Variants in SP140 observed in about 807,000 individuals in gnomAD.
SP140 encodes SP140 nuclear body protein, also known as nuclear body protein SP140.
In SP140, 81 loss-of-function variants were observed where a neutral mutation model predicts 125.0. The observed-to-expected ratio is 0.65, with a 90% confidence interval of 0.54 to 0.78. The LOEUF (loss-of-function observed/expected upper bound fraction) is 0.78, where lower values mean the gene tolerates loss of function less well. Ranked by LOEUF, SP140 falls within the 30% of genes least tolerant of loss-of-function variation. SP140 has a pLI of 0.00. For missense variants in SP140, 858 were observed against 1,037.0 expected, an observed-to-expected ratio of 0.83 and a Z score of 2.37; for synonymous variants, 312 against 354.0, an observed-to-expected ratio of 0.88 and a Z score of 1.33.
chr2:230,194,704 G>A, the SP140 span, among the ~76,000 whole-genome samples: 2 of 152,310 alleles, frequency 1.3e-5, no homozygotes, highest in African/African-American at 4.8e-5. Context: ...GGAACTGAAA[G>A]TCTGAATCCT....
the SP140 span, among the ~76,000 whole-genome samples, chr2:230,197,175 C>T: frequency 3.4e-4 from 52 of 152,086 alleles, no homozygotes; most frequent in East Asian, 8.9e-3. Flanking sequence ...TAAAAGTGTT[C>T]CTATTTCTCC....
chr2:230,193,745 T>C, the SP140 span, among the ~76,000 whole-genome samples: 5 of 152,118 alleles, frequency 3.3e-5, no homozygotes, highest in African/African-American at 4.8e-5. Flanking sequence ...TCCTTGCAAA[T>C]AGTAAAGATT....
At chr2:230,194,227 C>T in the SP140 span, among the ~76,000 whole-genome samples, 10 of 152,016 alleles carry the variant, frequency 6.6e-5, no homozygotes, top group Admixed American at 5.9e-4. Flanking sequence ...AGGCTGGCTC[C>T]CATAAAGGTA....
chr2:230,238,519 G>C (rs1200102606), intron 3 of SP140, 138 bp downstream of exon 3: 2 of 877,024 alleles, frequency 2.3e-6, no homozygotes, highest in African/African-American at 3.4e-5. Context: ...ATATAATGAT[G>C]AAAAAACACA....
the SP140 span, among the ~76,000 whole-genome samples, chr2:230,188,293 G>T: frequency 6.6e-6 from 1 of 152,002 alleles, no homozygotes; most frequent in Admixed American, 6.6e-5. Context: ...TTCTCAGCTT[G>T]GTCACTGTAG....
intron 15 of SP140, among the ~76,000 whole-genome samples, chr2:230,273,379 C>T (rs2054223711): frequency 2.0e-5 from 3 of 152,240 alleles, no homozygotes; most frequent in Middle Eastern, 3.4e-3. Context: ...AAATGCAAAT[C>T]AAAACCAAAA....
At chr2:230,239,081 A>T (rs6436923) in intron 3 of SP140, 81,237 of 1,373,114 alleles carry the variant, frequency 0.059, 3,450 homozygotes, top group South Asian at 0.17. Context: ...CGGGAAAAGT[A>T]AAAGAAGTCA....
At chr2:230,254,349 G>A (rs1204334269) in intron 11 of SP140, among the ~76,000 whole-genome samples, 5 of 152,146 alleles carry the variant, frequency 3.3e-5, no homozygotes, top group African/African-American at 1.2e-4. Flanking sequence ...CTTCTAGGTA[G>A]AGAGTGACAC....
At chr2:230,244,446 G>A (rs2049130727) in intron 5 of SP140, among the ~76,000 whole-genome samples, 1 of 152,182 alleles carries the variant, frequency 6.6e-6, no homozygotes, top group Non-Finnish European at 1.5e-5. Flanking sequence ...AGAGATCAGG[G>A]TAGCCAGGGT....
chr2:230,226,153 T>C (rs757785059), intron 1 of SP140, among the ~76,000 whole-genome samples: 2 of 152,206 alleles, frequency 1.3e-5, no homozygotes, highest in Non-Finnish European at 2.9e-5. Context: ...TGTTTGAACA[T>C]CATGCCTGTT....
intron 23 of SP140, chr2:230,310,492 CAG>C: frequency 2.4e-6 from 2 of 817,724 alleles, no homozygotes; most frequent in Non-Finnish European, 3.8e-6. Context: ...GCAGCTCAGA[CAG>C]AGAAAGGAGA....
At chr2:230,205,327 A>C (rs956602084) in intron 1 of SP140, among the ~76,000 whole-genome samples, 1 of 152,128 alleles carries the variant, frequency 6.6e-6, no homozygotes, top group African/African-American at 2.4e-5. Flanking sequence ...TTTCTTCATC[A>C]TCACCAACAA....
At chr2:230,306,164 C>A (rs1318093509) in intron 22 of SP140, among the ~76,000 whole-genome samples, 9 of 152,182 alleles carry the variant, frequency 5.9e-5, no homozygotes. Context: ...GAGGCAGGGA[C>A]CCTCACCCTC....
intron 3 of SP140, chr2:230,238,752 T>C: frequency 1.9e-6 from 3 of 1,542,244 alleles, no homozygotes; most frequent in South Asian, 2.4e-5. Context: ...ACAATTTTCT[T>C]TGTATTAGAA....
In SP140 at chr2:230,292,727, G is replaced by C. The variant is rs1378784167; in HGVS notation, c.1907G>C (p.Arg636Thr). 6.2e-7 allele frequency: 1 copy of C among 1,614,260 alleles called. No homozygotes were observed. The highest frequency in any genetic ancestry group is 8.5e-7 in the Non-Finnish European group (1 of 1,180,040). The change falls in exon 20 of 27, where the codon AGA (arginine) becomes ACA (threonine). Residue 636 changes from arginine to threonine, a missense_variant. Physicochemically the swap from Arg to Thr is moderately conservative, Grantham distance 71. Around this residue, in one of 4 missense-constraint regions of SP140, gnomAD observed 791 missense variants for 869.5 expected, o/e 0.91. Transcript: ENST00000392045. ...TEFEIKGGHA[R>T]SKNWRLSVRC... The stretch of plus-strand genomic sequence containing the variant: ...TTTGAAATCAAAGGAGGCCATGCAA[G>C]ATCAAAGAACTGGAGGCTGAGTGTG...
intron 9 of SP140, among the ~76,000 whole-genome samples, chr2:230,250,037 C>T: frequency 6.6e-6 from 1 of 152,318 alleles, no homozygotes; most frequent in South Asian, 2.1e-4. Context: ...GACCCTGCCC[C>T]TTGCAATGTC....
rs2053801211 is a variant in SP140 at position 230,270,696 on chromosome 2, A to G, written c.1498+57A>G. On this transcript the variant is annotated intron_variant, in intron 15 of 26. Coordinates refer to ENST00000392045, the MANE Select transcript of SP140 (RefSeq NM_007237.5). ...GTATTACAAATACGTTTTTAATGCC[A>G]GAGTTTTAATTTTGTCATTGTTACT... 4.1e-6 allele frequency: 6 copies of G among 1,449,288 alleles called. No individual in the cohort carries two copies. The South Asian group carries it at 6.9e-5, about 17-fold the overall frequency. 89.8% of individuals were successfully genotyped at this position (1,449,288 alleles called of 1,614,324 possible).
intron 3 of SP140, among the ~76,000 whole-genome samples, chr2:230,215,680 T>C (rs942050575): frequency 2.6e-5 from 4 of 152,322 alleles, no homozygotes; most frequent in African/African-American, 4.8e-5. Context: ...CAAATAATTA[T>C]TGAACATCTA....
chr2:230,257,608 AAT>A (rs2051450627), intron 12 of SP140, among the ~76,000 whole-genome samples: 1 of 152,162 alleles, frequency 6.6e-6, no homozygotes, highest in African/African-American at 2.4e-5. Flanking sequence ...CTCTACTAAA[AAT>A]ACAAAAATTA....
Sources: allele counts gnomAD v4.1 joint callset (sites outside exome capture counted in the v4.1 genomes callset), GRCh38; gene constraint gnomAD v4.1.1; regional missense constraint gnomAD v4.1.1; transcripts MANE v1.5; gene names NCBI Gene and HGNC (gene_info 2026-07-23, HGNC 2026-07-21).